CCDC148: variants seen among roughly 807,000 people sequenced by gnomAD.
The protein encoded by CCDC148 is coiled-coil domain containing 148.
CCDC148 carries 89 observed loss-of-function variants against 85.7 expected under a neutral mutation model. The observed-to-expected ratio is 1.04, with a 90% CI of 0.87 to 1.24. CCDC148 has a LOEUF of 1.24. Ranked by LOEUF, CCDC148 falls within the 50% of genes most tolerant of loss-of-function variation. The pLI, the probability that CCDC148 is intolerant of heterozygous loss-of-function variation, is 0.00. For synonymous variants in CCDC148, 230 were observed against 213.9 expected (o/e 1.08, Z -0.66); for missense variants, 692 against 671.7 (o/e 1.03, Z -0.33).
chr2:158,348,581 T>C (rs1683108655), intron 2 of CCDC148, among the ~76,000 whole-genome samples: 3 of 152,070 alleles, frequency 2.0e-5, no homozygotes, highest in Non-Finnish European at 4.4e-5. Flanking sequence ...ATGGTAATAG[T>C]ATTGTAGGCT....
At chr2:158,354,714 C>T (rs13415717) in intron 2 of CCDC148, among the ~76,000 whole-genome samples, 7,511 of 151,658 alleles carry the variant, frequency 0.05, 334 homozygotes, top group African/African-American at 0.12. Flanking sequence ...GGGAATCCTC[C>T]CTAACTCATT....
At chr2:158,274,944 G>C (rs1340396696) in intron 9 of CCDC148, among the ~76,000 whole-genome samples, 1 of 152,228 alleles carries the variant, frequency 6.6e-6, no homozygotes, top group Admixed American at 6.5e-5. Context: ...AAGATGAAAG[G>C]AGCAAGTCAA....
chr2:158,349,299 A>G lies in CCDC148; in HGVS notation c.148-3981T>C, dbSNP rs74346078. 3.9e-5 allele frequency among the ~76,000 whole-genome samples: 6 copies of G among 152,144 alleles called. No homozygotes were observed. In the East Asian group the frequency reaches 1.2e-3, roughly 29 times the overall value. On this transcript the variant is annotated intron_variant, in intron 2 of 13. Coordinates refer to ENST00000283233, the MANE Select transcript of CCDC148 (RefSeq NM_138803.4). The stretch of plus-strand genomic sequence containing the variant: ...GTAATAATTAACAATGATTATTAAA[A>G]CTGTTAATTACATGTCTAAAAAAAG...
At chr2:158,430,222 G>A (rs1004634155) in intron 1 of CCDC148, among the ~76,000 whole-genome samples, 5 of 152,128 alleles carry the variant, frequency 3.3e-5, no homozygotes, top group South Asian at 2.1e-4. Context: ...TCACAGTAGG[G>A]ACCTCAGGAG....
rs1354006374 is a variant in CCDC148 at position 158,217,327 on chromosome 2, T to TATAA, written c.1370+3267_1370+3268insTTAT. The stretch of plus-strand genomic sequence containing the variant: ...TTATGTAGGTATATATATATATATA[T>TATAA]AATTTTGTGTATATATATATATATA... On this transcript the variant is annotated intron_variant, in intron 11 of 13. Coordinates refer to ENST00000283233, the MANE Select transcript of CCDC148 (RefSeq NM_138803.4). Among the ~76,000 whole-genome samples, 1,390 of 141,160 alleles carry TATAA rather than the reference T, an allele frequency of 9.8e-3. 25 individuals carry two copies. The highest frequency in any genetic ancestry group is 0.035 in the African/African-American group (1,319 of 37,406). 92.6% of individuals were successfully genotyped at this position (141,160 alleles called of 152,430 possible).
chr2:158,295,995 T>C (rs1201882350), intron 9 of CCDC148, among the ~76,000 whole-genome samples: 1 of 152,256 alleles, frequency 6.6e-6, no homozygotes, highest in Non-Finnish European at 1.5e-5. Flanking sequence ...AACTCTTCAT[T>C]AGACATGCAA....
chr2:158,303,141 G>T (rs1438323377), intron 9 of CCDC148, among the ~76,000 whole-genome samples: 1 of 152,000 alleles, frequency 6.6e-6, no homozygotes, highest in Non-Finnish European at 1.5e-5. Flanking sequence ...CCCCCCAAAA[G>T]CCCTTTTAAA....
chr2:158,378,573 T>C (rs1684748157), intron 1 of CCDC148, among the ~76,000 whole-genome samples: 2 of 152,150 alleles, frequency 1.3e-5, no homozygotes, highest in African/African-American at 4.8e-5. Context: ...AGGACTTTCA[T>C]AGCCAGAGAT....
At chr2:158,323,144 T>C (rs563107583) in intron 7 of CCDC148, among the ~76,000 whole-genome samples, 34 of 152,194 alleles carry the variant, frequency 2.2e-4, no homozygotes, top group Non-Finnish European at 4.1e-4. Context: ...AGAGGTTCAA[T>C]TGTAGTCAAA....
intron 9 of CCDC148, among the ~76,000 whole-genome samples, chr2:158,271,168 T>A (rs1689681814): frequency 6.6e-6 from 1 of 152,144 alleles, no homozygotes; most frequent in South Asian, 2.1e-4. Context: ...GAAGAAGATT[T>A]TGGGGGGGTT....
chr2:158,341,060 G>A (rs913444623), intron 3 of CCDC148, among the ~76,000 whole-genome samples: 59 of 152,182 alleles, frequency 3.9e-4, no homozygotes, highest in African/African-American at 1.3e-3. Context: ...GAAGAGGAGG[G>A]TATCAGACAA....
chr2:158,285,195 G>C (rs1009162196), intron 9 of CCDC148, among the ~76,000 whole-genome samples: 2 of 151,650 alleles, frequency 1.3e-5, no homozygotes, highest in Non-Finnish European at 2.9e-5. Flanking sequence ...GACTGAGGCA[G>C]GAGAATCGCT....
rs534984296 is a variant in CCDC148 at position 158,432,601 on chromosome 2, T to A, written c.25+23814A>T. Reference sequence around the variant, plus strand: ...TTAACTCAATTTCCTTATTAACAACTCCCTCAAAGAGAAAATTCCAGATGT... The same window carrying A: ...TTAACTCAATTTCCTTATTAACAACACCCTCAAAGAGAAAATTCCAGATGT... On this transcript the variant is annotated intron_variant, in intron 1 of 13. Coordinates refer to ENST00000283233, the MANE Select transcript of CCDC148 (RefSeq NM_138803.4). 7.2e-5 allele frequency among the ~76,000 whole-genome samples: 11 copies of A among 152,204 alleles called. No individual in the cohort carries two copies. In the South Asian group the frequency reaches 1.9e-3, roughly 26 times the overall value.
chr2:158,214,799 A>T (rs1686761248), intron 11 of CCDC148, among the ~76,000 whole-genome samples: 1 of 150,412 alleles, frequency 6.6e-6, no homozygotes, highest in African/African-American at 2.4e-5. Flanking sequence ...CCTCCCCAGA[A>T]AAAAAAAAAG....
intron 1 of CCDC148, among the ~76,000 whole-genome samples, chr2:158,401,159 T>C (rs989298014): frequency 1.3e-5 from 2 of 152,170 alleles, no homozygotes; most frequent in African/African-American, 4.8e-5. Flanking sequence ...CTGAAGGATT[T>C]AGAACTAGAA....
intron 10 of CCDC148, among the ~76,000 whole-genome samples, chr2:158,248,391 T>C (rs889678986): frequency 6.6e-6 from 1 of 152,130 alleles, no homozygotes; most frequent in Non-Finnish European, 1.5e-5. Context: ...AATGTCTATA[T>C]CATATCAATC....
intron 9 of CCDC148, among the ~76,000 whole-genome samples, chr2:158,302,023 A>T (rs1172046842): frequency 1.3e-5 from 2 of 152,226 alleles, no homozygotes; most frequent in Non-Finnish European, 2.9e-5. Context: ...AGGAAACACT[A>T]CAAAGAATAA....
At chr2:158,354,176 G>C (rs1163955197) in intron 2 of CCDC148, among the ~76,000 whole-genome samples, 2 of 151,806 alleles carry the variant, frequency 1.3e-5, no homozygotes, top group Admixed American at 6.6e-5. Context: ...AACTAGAAAA[G>C]CAAGAGCAAA....
In CCDC148 at chr2:158,254,601, T is replaced by C. The variant is rs939922976; in HGVS notation, c.1111-3689A>G. On this transcript the variant is annotated intron_variant, in intron 9 of 13. Coordinates refer to ENST00000283233, the MANE Select transcript of CCDC148 (RefSeq NM_138803.4). ...AGATTTATATAATCAAATACTGTAGTCTCAAGGTTCTGAGGCAGTAGGAAG... is the reference window on the plus strand; with the variant it reads ...AGATTTATATAATCAAATACTGTAGCCTCAAGGTTCTGAGGCAGTAGGAAG... Among the ~76,000 whole-genome samples, 4 of 151,606 alleles carry C rather than the reference T, an allele frequency of 2.6e-5. No homozygotes were observed. In the Admixed American group the frequency reaches 2.6e-4, roughly 10 times the overall value.
Sources: gnomAD v4.1 joint callset for allele counts (sites outside exome capture counted in the v4.1 genomes callset) on GRCh38, gnomAD v4.1.1 for gene constraint, MANE v1.5 for transcripts, NCBI Gene and HGNC (gene_info 2026-07-23, HGNC 2026-07-21) for gene names.